Variants in NSD1 observed in about 807,000 individuals in gnomAD.
NSD1 encodes the protein nuclear receptor binding SET domain protein 1.
In NSD1, 26 loss-of-function variants were observed where a neutral mutation model predicts 242.7. The observed-to-expected ratio is 0.11, with a 90% confidence interval of 0.08 to 0.15. The LOEUF (loss-of-function observed/expected upper bound fraction) is 0.15, where lower values mean the gene tolerates loss of function less well. Among genes scored for constraint, NSD1 ranks in the 10% least tolerant of loss-of-function variants. The pLI is 1.00. For missense variants in NSD1, 2,495 were observed against 3,272.8 expected (o/e 0.76, Z 5.80); for synonymous variants, 1,106 against 1,178.1 (o/e 0.94, Z 1.25).
At chr5:177,285,730 T>C (rs1474994601) in intron 20 of NSD1, among the ~76,000 whole-genome samples, 2 of 152,184 alleles carry the variant, frequency 1.3e-5, no homozygotes, top group African/African-American at 4.8e-5. Flanking sequence ...GTCTGTAATA[T>C]ACAGTAATAT....
chr5:177,151,796 A>G (rs192640704), intron 2 of NSD1, among the ~76,000 whole-genome samples: 5 of 151,818 alleles, frequency 3.3e-5, no homozygotes, highest in East Asian at 1.9e-4. Context: ...GTCTCAAGCA[A>G]TACCCCCACC....
intron 2 of NSD1, chr5:177,136,985 G>T (rs1417591085): frequency 1.0e-5 from 7 of 673,236 alleles, no homozygotes; most frequent in African/African-American, 1.8e-5. Flanking sequence ...GTATGTGTAT[G>T]TGTGATATGT....
chr5:177,265,716 G>C, intron 14 of NSD1: 2 of 1,604,340 alleles, frequency 1.2e-6, no homozygotes, highest in Non-Finnish European at 8.5e-7. Context: ...TTCAAGGTCA[G>C]GTAGTCCTCC....
chr5:177,294,406 G>C lies in NSD1; in HGVS notation c.7038G>C (p.Arg2346Ser). The part of the protein sequence containing the change: ...VTSPSSSPSV[R>S]SQPLERPLGT... ...GCCCAAGCTCCTCACCCTCAGTCAGGTCCCAACCACTGGAAAGACCTCTGG... is the reference window on the plus strand; with the variant it reads ...GCCCAAGCTCCTCACCCTCAGTCAGCTCCCAACCACTGGAAAGACCTCTGG... Residue 2346 changes from arginine to serine, a missense_variant, in exon 23 of 23, where the codon AGG becomes AGC. By Grantham distance (110) the Arg-to-Ser change is moderately radical. This residue lies in a region of NSD1 where 475 missense variants were observed against 563.7 expected (regional missense o/e 0.84). Transcript: ENST00000439151. 1 of 1,614,142 alleles carries C rather than the reference G, an allele frequency of 6.2e-7. No individual in the cohort carries two copies. The highest frequency in any genetic ancestry group is 8.5e-7 in the Non-Finnish European group (1 of 1,180,030).
chr5:177,272,654 C>T (rs774664777), intron 16 of NSD1, among the ~76,000 whole-genome samples: 32 of 152,174 alleles, frequency 2.1e-4, no homozygotes, highest in Admixed American at 1.4e-3. Flanking sequence ...CTTTGGAAGG[C>T]TGAGGCAAAC....
At chr5:177,225,690 T>C (rs2149871155) in intron 5 of NSD1, among the ~76,000 whole-genome samples, 1 of 152,342 alleles carries the variant, frequency 6.6e-6, no homozygotes, top group South Asian at 2.1e-4. Context: ...AATATTACTG[T>C]TAAAGCAGAT....
Position 177,298,771 on chromosome 5 carries a change from A to C in NSD1, c.*3312A>C, listed in dbSNP as rs1039997583. ...TTCTAATGTTGCCTCATGAGAACAG[A>C]ATGGCAGAAAGTTTAGTCCTGACAG... On this transcript the variant is annotated 3_prime_UTR_variant, in exon 23 of 23. Transcript: ENST00000439151. 2 of 233,186 alleles carry C rather than the reference A, an allele frequency of 8.6e-6. No individual in the cohort carries two copies. Among genetic ancestry groups the C allele is most frequent in the Non-Finnish European group, 1.7e-5 (2 of 118,048 alleles). 14.4% of individuals were successfully genotyped at this position (233,186 alleles called of 1,614,324 possible).
At chr5:177,245,926 C>T (rs1482239118) in intron 9 of NSD1, among the ~76,000 whole-genome samples, 2 of 150,500 alleles carry the variant, frequency 1.3e-5, no homozygotes, top group Non-Finnish European at 3.0e-5. Context: ...CATGAGCCAC[C>T]CTGCCCAGCC....
intron 19 of NSD1, among the ~76,000 whole-genome samples, chr5:177,283,543 C>T (rs1320583712): frequency 6.6e-6 from 1 of 152,136 alleles, no homozygotes; most frequent in Non-Finnish European, 1.5e-5. Flanking sequence ...ATGCTGCACC[C>T]CACAGTCTCT....
At chr5:177,151,071 G>A (rs10039241) in intron 2 of NSD1, among the ~76,000 whole-genome samples, 39,336 of 152,098 alleles carry the variant, frequency 0.26, 6,407 homozygotes, top group East Asian at 0.51. Flanking sequence ...CACTTCCATC[G>A]TGTCACAATA....
intron 17 of NSD1, among the ~76,000 whole-genome samples, chr5:177,277,818 C>A: frequency 6.6e-6 from 1 of 152,148 alleles, no homozygotes; most frequent in South Asian, 2.1e-4. Flanking sequence ...GCACTCCAGT[C>A]TGGGGGACAG....
At chr5:177,209,507 C>T (rs1425074707) in intron 4 of NSD1, 129 bp from the exon 5 acceptor site, 44 of 689,048 alleles carry the variant, frequency 6.4e-5, no homozygotes, top group African/African-American at 5.0e-4. Flanking sequence ...CCAGCCTGGG[C>T]GACAGAGCAA....
At chr5:177,155,997 G>A (rs1357163171) in intron 2 of NSD1, among the ~76,000 whole-genome samples, 7 of 151,866 alleles carry the variant, frequency 4.6e-5, no homozygotes, top group South Asian at 2.1e-4. Context: ...GAGCCACTGC[G>A]TCTGGCCTGC....
chr5:177,281,347 TAA>T (rs60874382), intron 18 of NSD1, among the ~76,000 whole-genome samples: 11,566 of 150,682 alleles, frequency 0.077, 931 homozygotes, highest in African/African-American at 0.21. Context: ...TTTTTTTTTT[TAA>T]TAAAATAAGC....
chr5:177,225,594 T>C (rs1387844367), intron 5 of NSD1, among the ~76,000 whole-genome samples: 1 of 152,168 alleles, frequency 6.6e-6, no homozygotes, highest in Non-Finnish European at 1.5e-5. Flanking sequence ...TCACCGCCTT[T>C]ATATAGATCT....
intron 2 of NSD1, among the ~76,000 whole-genome samples, chr5:177,173,241 G>A (rs1217962698): frequency 1.4e-5 from 2 of 144,746 alleles, no homozygotes; most frequent in Admixed American, 7.1e-5. Context: ...ACAGTGAGCC[G>A]AGATAGCGCC....
At position 177,248,251 on chromosome 5, in the gene NSD1, C is replaced by T. The variant is rs2149899654; in HGVS notation, c.4568C>T (p.Pro1523Leu). Residue 1523 changes from proline (P) to leucine (L), a missense_variant, in exon 11 of 23, where the codon CCC (proline) becomes CTC (leucine). Pro to Leu is a moderately conservative substitution (Grantham distance 98). Around this residue, in one of 19 missense-constraint regions of NSD1, gnomAD observed 97 missense variants for 97.7 expected, o/e 0.99. Transcript: ENST00000439151. ...ETVEEGVEHD[P>L]GMPASKKMQG... Reference sequence around the variant, plus strand: ...GTTGAGGAAGGTGTAGAACACGATCCCGGGATGCCTGCCTCTAAAAAAATG... The same window carrying T: ...GTTGAGGAAGGTGTAGAACACGATCTCGGGATGCCTGCCTCTAAAAAAATG... 6.2e-7 allele frequency: 1 copy of T among 1,613,980 alleles called. No individual in the cohort carries two copies. The highest frequency in any genetic ancestry group is 1.3e-5 in the African/African-American group (1 of 74,974).
At chr5:177,185,062 T>C (rs1198482868) in intron 2 of NSD1, among the ~76,000 whole-genome samples, 2 of 152,104 alleles carry the variant, frequency 1.3e-5, no homozygotes, top group Non-Finnish European at 2.9e-5. Flanking sequence ...ACTGAGTCCT[T>C]AGAGTTGCGA....
intron 2 of NSD1, among the ~76,000 whole-genome samples, chr5:177,155,861 C>A (rs1581149982): frequency 6.6e-6 from 1 of 151,036 alleles, no homozygotes; most frequent in East Asian, 2.0e-4. Flanking sequence ...TTACAAAATA[C>A]ACCCAGGTAA....
Sources: gnomAD v4.1 joint callset for allele counts (sites outside exome capture counted in the v4.1 genomes callset) on GRCh38, gnomAD v4.1.1 for gene constraint, gnomAD v4.1.1 regional missense constraint, MANE v1.5 for transcripts, NCBI Gene and HGNC (gene_info 2026-07-23, HGNC 2026-07-21) for gene names.